Variants in OPHN1 observed in about 807,000 individuals in gnomAD.
OPHN1 encodes oligophrenin 1.
In OPHN1, 11 loss-of-function variants were observed where a neutral mutation model predicts 60.7. That is an observed-to-expected ratio of 0.18 (90% CI 0.11 to 0.30). The LOEUF (loss-of-function observed/expected upper bound fraction) is 0.30, where lower values mean the gene tolerates loss of function less well. OPHN1 is among the 10% of genes least tolerant of loss of function. OPHN1 has a pLI of 1.00. For synonymous variants in OPHN1, 226 were observed against 222.6 expected (o/e 1.02, Z -0.14); for missense variants, 449 against 611.0 (o/e 0.73, Z 2.80).
At chrX:68,369,260 G>A (rs1333902686) in intron 2 of OPHN1, among the ~76,000 whole-genome samples, 5 of 111,028 alleles carry the variant, frequency 4.5e-5, no homozygotes, top group Non-Finnish European at 9.4e-5. Flanking sequence ...GCTGAGGCAG[G>A]AGGATCACTT....
At chrX:68,298,604 T>C (rs1027554264) in intron 3 of OPHN1, among the ~76,000 whole-genome samples, 42 of 112,014 alleles carry the variant, frequency 3.7e-4, no homozygotes, top group African/African-American at 1.4e-3. Flanking sequence ...TCCTGATAAG[T>C]TGTAGACACA....
At chrX:68,269,762 G>T (rs779461457) in intron 5 of OPHN1, among the ~76,000 whole-genome samples, 322 of 111,699 alleles carry the variant, frequency 2.9e-3, no homozygotes, top group African/African-American at 9.6e-3. Flanking sequence ...CTCAAGAGCT[G>T]CTGCACAGCA....
chrX:68,194,413 C>T (rs2077501826), intron 13 of OPHN1, 52 bp downstream of exon 13: 6 of 1,033,389 alleles, frequency 5.8e-6, no homozygotes, highest in East Asian at 3.0e-5. Flanking sequence ...TACTATGAAT[C>T]GGACAGCTGG....
chrX:68,407,595 A>C (rs1234558062), intron 2 of OPHN1, among the ~76,000 whole-genome samples: 3 of 112,172 alleles, frequency 2.7e-5, no homozygotes, highest in African/African-American at 9.7e-5. Context: ...AAATGAAACA[A>C]TGCCTATAGG....
intron 15 of OPHN1, among the ~76,000 whole-genome samples, chrX:68,170,456 T>C (rs746225536): frequency 0.043 from 4,612 of 108,407 alleles, 355 homozygotes; most frequent in African/African-American, 0.15. Context: ...GACTGTAAAT[T>C]ATGCTGCTAT....
chrX:68,270,685 A>G (rs2077963825), intron 5 of OPHN1, among the ~76,000 whole-genome samples: 1 of 109,357 alleles, frequency 9.1e-6, no homozygotes, highest in Admixed American at 9.7e-5. Context: ...ACATGTATAC[A>G]TATGTAACAA....
At chrX:68,270,189 C>T (rs1447231693) in intron 5 of OPHN1, among the ~76,000 whole-genome samples, 1 of 111,148 alleles carries the variant, frequency 9.0e-6, no homozygotes, top group Non-Finnish European at 1.9e-5. Flanking sequence ...GGCAATTCCT[C>T]AGGGATCTAG....
At chrX:68,252,150 A>C (rs2077838911) in intron 5 of OPHN1, among the ~76,000 whole-genome samples, 1 of 111,535 alleles carries the variant, frequency 9.0e-6, no homozygotes, top group South Asian at 3.8e-4. Flanking sequence ...TGAGACACAT[A>C]CAGCAGACCT....
At chrX:68,323,236 A>T (rs1015070525) in intron 2 of OPHN1, among the ~76,000 whole-genome samples, 1 of 111,938 alleles carries the variant, frequency 8.9e-6, no homozygotes, top group African/African-American at 3.2e-5. Flanking sequence ...TTTTAAAGAG[A>T]GGGAAAGCTA....
At chrX:68,261,873 A>G (rs939161408) in intron 5 of OPHN1, among the ~76,000 whole-genome samples, 1 of 111,467 alleles carries the variant, frequency 9.0e-6, no homozygotes, top group Admixed American at 9.6e-5. Context: ...AATAATATCA[A>G]TAAGATTACA....
At chrX:68,381,543 C>T (rs2078596759) in intron 2 of OPHN1, among the ~76,000 whole-genome samples, 1 of 111,623 alleles carries the variant, frequency 9.0e-6, no homozygotes, top group African/African-American at 3.3e-5. Flanking sequence ...AAGGTCCTTC[C>T]AACATACTTC....
chrX:68,289,100 TA>T (rs762380645), intron 3 of OPHN1, among the ~76,000 whole-genome samples: 1 of 110,821 alleles, frequency 9.0e-6, no homozygotes, highest in Non-Finnish European at 1.9e-5. Context: ...GAAAATTGGC[TA>T]AGAAATGGAA....
In OPHN1 at chrX:68,268,842, G is replaced by A. The variant is rs142723703; in HGVS notation, c.384+5896C>T. ...GACACGATTGTATACCTAAAAAACCGCACTGTCTTAGCCCAAAATCTCCTT... is the reference window on the plus strand; with the variant it reads ...GACACGATTGTATACCTAAAAAACCACACTGTCTTAGCCCAAAATCTCCTT... On this transcript the variant is annotated intron_variant, in intron 5 of 24. Transcript: ENST00000355520. 3.0e-3 allele frequency among the ~76,000 whole-genome samples: 335 copies of A among 111,623 alleles called. 2 individuals carry two copies. Among genetic ancestry groups the A allele is most frequent in the African/African-American group, 0.01 (314 of 30,773 alleles).
intron 16 of OPHN1, among the ~76,000 whole-genome samples, chrX:68,115,449 G>T (rs1231744493): frequency 8.9e-6 from 1 of 112,393 alleles, no homozygotes; most frequent in Non-Finnish European, 1.9e-5. Flanking sequence ...AGCCCATAAA[G>T]GAGATTGACT....
chrX:68,249,439 G>A (rs1321963114), intron 5 of OPHN1, among the ~76,000 whole-genome samples: 2 of 111,844 alleles, frequency 1.8e-5, no homozygotes, highest in African/African-American at 6.5e-5. Context: ...GCCCAATTCA[G>A]GATGACACAA....
chrX:68,267,570 A>G (rs1428947149), intron 5 of OPHN1, among the ~76,000 whole-genome samples: 2 of 112,473 alleles, frequency 1.8e-5, no homozygotes, highest in Non-Finnish European at 3.7e-5. Context: ...CCCACAAGAG[A>G]AAGCAGGAAA....
At position 68,047,801 on chromosome X, in the gene OPHN1, A is replaced by C. The variant is rs768308194; in HGVS notation, c.*8+615T>G. 3.6e-5 allele frequency among the ~76,000 whole-genome samples: 4 copies of C among 112,410 alleles called. No homozygotes were observed. In the Admixed American group the frequency reaches 3.8e-4, roughly 11 times the overall value. On this transcript the variant is annotated intron_variant, in intron 24 of 24. Transcript: ENST00000355520. Reference sequence around the variant, plus strand: ...CTTCAGTTCCTTTATTTGTTGAGTTAGAACACATATTATCCTCCCTTCTCC... The same window carrying C: ...CTTCAGTTCCTTTATTTGTTGAGTTCGAACACATATTATCCTCCCTTCTCC...
rs983530040 is a variant in OPHN1 at position 68,044,239 on chromosome X, G to A, written c.*2933C>T. 7 of 112,148 alleles carry A rather than the reference G, an allele frequency of 6.2e-5. No homozygotes were observed. The highest frequency in any genetic ancestry group is 2.3e-4 in the African/African-American group (7 of 30,855). The allele number at this position is 112,148 out of a possible 1,213,427, so 9.2% of individuals were successfully genotyped here. A position where few individuals can be genotyped will look rare whatever the true frequency, so the allele number is the denominator to read the frequency against. On this transcript the variant is annotated 3_prime_UTR_variant, in exon 25 of 25. Transcript: ENST00000355520. ...GAGTCATGCCAACTCTAGTAATGTG[G>A]CCTCTGTTCAAACACCTACCACAGT...
At chrX:68,162,963 T>C in intron 15 of OPHN1, among the ~76,000 whole-genome samples, 1 of 110,946 alleles carries the variant, frequency 9.0e-6, no homozygotes, top group East Asian at 2.8e-4. Context: ...AACAAGAAAA[T>C]ATAATAAATC....
Sources: allele counts gnomAD v4.1 joint callset (sites outside exome capture counted in the v4.1 genomes callset), GRCh38; gene constraint gnomAD v4.1.1; transcripts MANE v1.5; gene names NCBI Gene and HGNC (gene_info 2026-07-23, HGNC 2026-07-21).